The following DLD variants were observed in gnomAD, a reference collection of about 807,000 sequenced individuals.
DLD encodes the protein dihydrolipoamide dehydrogenase, also known as dihydrolipoyl dehydrogenase, mitochondrial.
A neutral mutation model predicts 62.2 loss-of-function variants in DLD; 36 were observed. That is an observed-to-expected ratio of 0.58 (90% CI 0.44 to 0.76). DLD has a LOEUF of 0.76. Among genes scored for constraint, DLD ranks in the 30% least tolerant of loss-of-function variants. The pLI, the probability that DLD is intolerant of heterozygous loss-of-function variation, is 0.00. For synonymous variants in DLD, 204 were observed against 199.6 expected, an observed-to-expected ratio of 1.02 and a Z score of -0.19; for missense variants, 541 against 608.6, an observed-to-expected ratio of 0.89 and a Z score of 1.17.
intron 8 of DLD, 39 bp from the exon 9 acceptor site, chr7:107,915,467 A>G: frequency 6.2e-7 from 1 of 1,602,662 alleles, no homozygotes; most frequent in Non-Finnish European, 8.5e-7. Context: ...TTGCTATAGA[A>G]ACTTTTATGA....
rs2031973960 is a variant in DLD at position 107,905,196 on chromosome 7, C to T, written c.438+138C>T. The T allele has an allele frequency of 2.9e-6, 3 of 1,018,250 alleles. No individual in the cohort carries two copies. In the Admixed American group the frequency reaches 6.1e-5, roughly 21 times the overall value. The allele number at this position is 1,018,250 out of a possible 1,614,324, so 63.1% of individuals were successfully genotyped here. ...TAGCTTGCTAACCTGAAATAGATTT[C>T]CCTGACATATATCACAGATTTTTTT... On this transcript the variant is annotated intron_variant, in intron 6 of 13. Transcript: ENST00000205402.
intron 6 of DLD, 72 bp from the exon 7 acceptor site, chr7:107,905,289 A>G (rs2031976504): frequency 2.7e-6 from 4 of 1,461,256 alleles, no homozygotes; most frequent in Non-Finnish European, 2.8e-6. Context: ...TTACAGAGTA[A>G]TTTTTCCTTT....
chr7:107,910,543 C>T (rs1463028422), intron 8 of DLD, among the ~76,000 whole-genome samples: 2 of 152,084 alleles, frequency 1.3e-5, no homozygotes, highest in Non-Finnish European at 2.9e-5. Flanking sequence ...TGCCTTTCTT[C>T]CATTCCAGTT....
chr7:107,917,174 G>A, intron 10 of DLD, 99 bp from the exon 11 acceptor site: 1 of 1,410,180 alleles, frequency 7.1e-7, no homozygotes, highest in Non-Finnish European at 9.9e-7. Context: ...GTATTTTTTG[G>A]TGACTTGTTT....
chr7:107,904,404 C>G (rs2031953415), intron 5 of DLD, among the ~76,000 whole-genome samples: 1 of 152,104 alleles, frequency 6.6e-6, no homozygotes, highest in Admixed American at 6.5e-5. Flanking sequence ...ATATGAGGTA[C>G]TTTCTAAGAT....
At chr7:107,908,397 A>G (rs1309080971) in intron 8 of DLD, among the ~76,000 whole-genome samples, 1 of 151,714 alleles carries the variant, frequency 6.6e-6, no homozygotes, top group Non-Finnish European at 1.5e-5. Context: ...GATGCGCATG[A>G]TGGTTCATGT....
At position 107,918,041 on chromosome 7, in the gene DLD, G is replaced by A. The variant is rs1376231597; in HGVS notation, c.1354G>A (p.Gly452Arg). The change falls in exon 12 of 14, where the codon GGA becomes AGA. Residue 452 changes from glycine (G) to arginine (R), a missense_variant. Gly to Arg is a moderately radical substitution (Grantham distance 125). Coordinates refer to ENST00000205402, the MANE Select transcript of DLD (RefSeq NM_000108.5). ...GCAGAAATCGACAGACAGAGTACTG[G>A]GAGCACATATTCTTGGACCAGTGAG... Reference protein sequence around the residue: ...LGQKSTDRVLGAHILGPGAGE... With the variant: ...LGQKSTDRVLRAHILGPGAGE... 1.2e-6 allele frequency: 2 copies of A among 1,613,944 alleles called. No homozygotes were observed. Among genetic ancestry groups the A allele is most frequent in the Non-Finnish European group, 1.7e-6 (2 of 1,179,908 alleles).
chr7:107,893,268 A>G lies in DLD; in HGVS notation c.108A>G (p.Ala36=), dbSNP rs1401309256. Residue 36 remains alanine, a synonymous_variant, in exon 2 of 14, where the codon GCA becomes GCG. Transcript: ENST00000205402. The part of the protein sequence containing the change: ...GLSAVPLRTY[A]DQPIDADVTV... ...CTGCAGTGCCTCTGAGAACTTACGCAGATCAGCCGAGTAAGTACTTAAGTA... is the reference window on the plus strand; with the variant it reads ...CTGCAGTGCCTCTGAGAACTTACGCGGATCAGCCGAGTAAGTACTTAAGTA... 1 of 1,612,278 alleles carries G rather than the reference A, an allele frequency of 6.2e-7. No homozygotes were observed. Among genetic ancestry groups the G allele is most frequent in the African/African-American group, 1.3e-5 (1 of 74,904 alleles).
intron 4 of DLD, among the ~76,000 whole-genome samples, chr7:107,902,701 A>G (rs570701752): frequency 6.6e-6 from 1 of 152,342 alleles, no homozygotes; most frequent in South Asian, 2.1e-4. Context: ...TGTAACAGAT[A>G]ATAGATAGTA....
chr7:107,906,005 C>CT (rs538394177), intron 7 of DLD, among the ~76,000 whole-genome samples: 135 of 152,260 alleles, frequency 8.9e-4, no homozygotes, highest in African/African-American at 2.9e-3. Context: ...CTCCTGTATA[C>CT]TTTAAGTCAT....
At chr7:107,893,137 A>G (rs1248682504) in intron 1 of DLD, 63 bp from the exon 2 acceptor site, 39 of 1,400,346 alleles carry the variant, frequency 2.8e-5, no homozygotes, top group Middle Eastern at 3.5e-4. Context: ...GTTATCATCA[A>G]CCTTCAGTAG....
intron 7 of DLD, 68 bp downstream of exon 7, chr7:107,905,572 T>C (rs2031986625): frequency 6.6e-7 from 1 of 1,519,686 alleles, no homozygotes. Flanking sequence ...AAGTTATTTA[T>C]GCTATTTGTG....
In DLD at chr7:107,918,974, C is replaced by T. The variant is rs374572403; in HGVS notation, c.1375-36C>T. ...TATCCTATTAGCATGTAGTTTTTGC[C>T]TTGGAAGCAAATTTACTTGGCTTGT... On this transcript the variant is annotated intron_variant, in intron 12 of 13. Transcript: ENST00000205402. 2.5e-6 allele frequency: 4 copies of T among 1,589,108 alleles called. No individual in the cohort carries two copies. In the African/African-American group the frequency reaches 5.4e-5, roughly 21 times the overall value.
intron 2 of DLD, among the ~76,000 whole-genome samples, chr7:107,895,429 T>G (rs1268838258): frequency 2.6e-5 from 4 of 152,232 alleles, no homozygotes; most frequent in Non-Finnish European, 5.9e-5. Context: ...TTGTGTGTGT[T>G]ACTGTTGATG....
intron 1 of DLD, among the ~76,000 whole-genome samples, chr7:107,892,304 T>G (rs1379751966): frequency 6.6e-6 from 1 of 152,216 alleles, no homozygotes; most frequent in Non-Finnish European, 1.5e-5. Flanking sequence ...ATGCAATTTG[T>G]CAAACTGTAG....
chr7:107,894,336 T>G (rs1468470853), intron 2 of DLD, among the ~76,000 whole-genome samples: 2 of 152,222 alleles, frequency 1.3e-5, no homozygotes, highest in Non-Finnish European at 2.9e-5. Flanking sequence ...CTCCCTGCAT[T>G]CTGTGAAGTA....
In DLD at chr7:107,891,308, A is replaced by G; in HGVS notation, c.39+19A>G. ...GGCCAAGGTGAGGGCCGAGTAGGTG[A>G]GGTCGTGTTGAGCCAGAGGCACGGA... On this transcript the variant is annotated intron_variant, in intron 1 of 13. Transcript: ENST00000205402. 1.9e-6 allele frequency: 3 copies of G among 1,613,958 alleles called. No homozygotes were observed. Among genetic ancestry groups the G allele is most frequent in the Non-Finnish European group, 2.5e-6 (3 of 1,179,854 alleles).
rs2032271894 is a variant in DLD, at chr7:107,916,481, T to G, written c.876-313T>G. Among the ~76,000 whole-genome samples the G allele has an allele frequency of 3.9e-5, 6 of 152,222 alleles. No homozygotes were observed. In the South Asian group the frequency reaches 1.0e-3, roughly 26 times the overall value. On this transcript the variant is annotated intron_variant, in intron 9 of 13. Coordinates refer to ENST00000205402, the MANE Select transcript of DLD (RefSeq NM_000108.5). ...TGAAGTCAAGAGATCAAGACCAGCC[T>G]GGCAACATGGTGAAACCCCGTCTCT...
intron 9 of DLD, 108 bp from the exon 10 acceptor site, chr7:107,916,686 C>A: frequency 8.1e-7 from 1 of 1,235,300 alleles, no homozygotes. Flanking sequence ...CAAAACAAAA[C>A]AAAAATGAAA....
Sources: gnomAD v4.1 joint callset for allele counts (sites outside exome capture counted in the v4.1 genomes callset) on GRCh38, gnomAD v4.1.1 for gene constraint, MANE v1.5 for transcripts, NCBI Gene and HGNC (gene_info 2026-07-23, HGNC 2026-07-21) for gene names.